Variants in ALK observed in about 807,000 individuals in gnomAD.
ALK encodes ALK receptor tyrosine kinase, also known as ALK tyrosine kinase receptor.
ALK carries 74 observed loss-of-function variants against 163.1 expected under a neutral mutation model. The observed-to-expected ratio is 0.45, with a 90% CI of 0.38 to 0.55. The LOEUF (loss-of-function observed/expected upper bound fraction) is 0.55, where lower values mean the gene tolerates loss of function less well. Ranked by LOEUF, ALK falls within the 20% of genes least tolerant of loss-of-function variation. ALK has a pLI of 0.00. For synonymous variants in ALK, 960 were observed against 843.2 expected (o/e 1.14, Z -2.40); for missense variants, 2,063 against 2,105.3 (o/e 0.98, Z 0.39).
intron 26 of ALK, among the ~76,000 whole-genome samples, chr2:29,203,512 T>TTTTTTTTTTTTTTTTTTTTTTG (rs869138004): frequency 7.8e-6 from 1 of 127,628 alleles, no homozygotes; most frequent in African/African-American, 2.8e-5. Context: ...TTTTTTTTTT[T>TTTTTTTTTTTTTTTTTTTTTTG]GTGAGACAGA....
chr2:29,524,003 C>G (rs1672888020), intron 4 of ALK, among the ~76,000 whole-genome samples: 1 of 151,528 alleles, frequency 6.6e-6, no homozygotes, highest in African/African-American at 2.4e-5. Flanking sequence ...ACAGCTGCTT[C>G]CTGAGCCCCA....
At chr2:29,401,442 C>T (rs1388288962) in intron 4 of ALK, among the ~76,000 whole-genome samples, 1 of 152,210 alleles carries the variant, frequency 6.6e-6, no homozygotes, top group Non-Finnish European at 1.5e-5. Flanking sequence ...TAAGCAATTT[C>T]CCATGGAAGG....
intron 4 of ALK, among the ~76,000 whole-genome samples, chr2:29,425,879 C>T (rs764238553): frequency 5.9e-5 from 9 of 152,170 alleles, no homozygotes; most frequent in African/African-American, 9.7e-5. Context: ...CTATCTACAA[C>T]AAGCTAAACA....
chr2:29,685,411 T>TCTC (rs1350846719), intron 3 of ALK, among the ~76,000 whole-genome samples: 1 of 152,202 alleles, frequency 6.6e-6, no homozygotes, highest in African/African-American at 2.4e-5. Context: ...CCCAGATGCA[T>TCTC]CTCCTTATTT....
At chr2:29,514,329 G>T (rs573139131) in intron 4 of ALK, among the ~76,000 whole-genome samples, 1 of 149,696 alleles carries the variant, frequency 6.7e-6, no homozygotes, top group African/African-American at 2.5e-5. Flanking sequence ...CATAAAAAAT[G>T]ATGAGTTCAT....
intron 1 of ALK, among the ~76,000 whole-genome samples, chr2:29,902,149 A>G (rs958836668): frequency 1.3e-5 from 2 of 152,188 alleles, no homozygotes; most frequent in African/African-American, 4.8e-5. Context: ...GTTTCCAGCT[A>G]GCAGGACACA....
At chr2:29,503,113 T>C (rs1436937347) in intron 4 of ALK, among the ~76,000 whole-genome samples, 2 of 152,252 alleles carry the variant, frequency 1.3e-5, no homozygotes, top group African/African-American at 4.8e-5. Context: ...AAGGACTTAA[T>C]AGATATTGTT....
intron 5 of ALK, among the ~76,000 whole-genome samples, chr2:29,380,948 G>T (rs978841814): frequency 6.6e-5 from 10 of 152,184 alleles, no homozygotes; most frequent in Admixed American, 5.2e-4. Flanking sequence ...ACAGGCAAAA[G>T]CAAGTCTAGA....
At chr2:29,354,390 C>T (rs566252680) in intron 5 of ALK, among the ~76,000 whole-genome samples, 2 of 152,274 alleles carry the variant, frequency 1.3e-5, no homozygotes, top group East Asian at 3.9e-4. Context: ...TTCCTTTCTT[C>T]AGAATTCAAG....
intron 12 of ALK, 81 bp downstream of exon 12, chr2:29,251,023 AG>A (rs1664800796): frequency 6.9e-7 from 1 of 1,459,098 alleles, no homozygotes; most frequent in African/African-American, 1.4e-5. Context: ...TGGGCACCCC[AG>A]GAACATGCAC....
intron 1 of ALK, among the ~76,000 whole-genome samples, chr2:29,831,864 T>A (rs1572418521): frequency 1.3e-5 from 2 of 152,308 alleles, no homozygotes; most frequent in Middle Eastern, 6.8e-3. Flanking sequence ...TCTGTCTGGG[T>A]TAATGGCCAA....
intron 11 of ALK, among the ~76,000 whole-genome samples, chr2:29,264,831 T>C (rs1444531844): frequency 6.6e-6 from 1 of 152,162 alleles, no homozygotes; most frequent in Non-Finnish European, 1.5e-5. Flanking sequence ...TTTGTTAGTG[T>C]AAGTGGACGT....
chr2:29,823,614 A>C (rs1454239297), intron 1 of ALK, among the ~76,000 whole-genome samples: 2 of 152,180 alleles, frequency 1.3e-5, no homozygotes, highest in East Asian at 1.9e-4. Context: ...TAGCAAAGAG[A>C]TTGGTGGCAT....
intron 5 of ALK, among the ~76,000 whole-genome samples, chr2:29,363,567 G>A (rs887323449): frequency 5.9e-5 from 9 of 152,172 alleles, no homozygotes; most frequent in Non-Finnish European, 1.2e-4. Flanking sequence ...TGTAGGCCAG[G>A]ACTGTATGGC....
chr2:29,830,972 A>AGGG (rs1205925204), intron 1 of ALK, among the ~76,000 whole-genome samples: 2 of 41,670 alleles, frequency 4.8e-5, no homozygotes, highest in African/African-American at 1.6e-4. Context: ...AAGAAGAAGA[A>AGGG]GAAGAAGAAG....
chr2:29,232,245 G>C lies in ALK; in HGVS notation c.2632+59C>G, dbSNP rs1011920003. 7.5e-6 allele frequency: 12 copies of C among 1,608,786 alleles called. No individual in the cohort carries two copies. In the Admixed American group the frequency reaches 2.0e-4, roughly 27 times the overall value. On this transcript the variant is annotated intron_variant, in intron 15 of 28. Coordinates refer to ENST00000389048, the MANE Select transcript of ALK (RefSeq NM_004304.5). ...ATGCCCTCAGGCATGCGATGGCATC[G>C]GGGCCCAGCTGAAGGCCTGGGAGAG...
At chr2:29,749,154 G>A (rs1160272764) in intron 1 of ALK, among the ~76,000 whole-genome samples, 2 of 152,100 alleles carry the variant, frequency 1.3e-5, no homozygotes, top group African/African-American at 4.8e-5. Flanking sequence ...GTCACCTGGA[G>A]GGCTTATTAA....
chr2:29,291,170 C>T (rs1666012131), intron 9 of ALK, among the ~76,000 whole-genome samples: 1 of 151,986 alleles, frequency 6.6e-6, no homozygotes, highest in Non-Finnish European at 1.5e-5. Flanking sequence ...CAAGATCAGC[C>T]TAGGCAACAT....
chr2:29,429,287 C>T (rs933335142), intron 4 of ALK, among the ~76,000 whole-genome samples: 1 of 151,854 alleles, frequency 6.6e-6, no homozygotes, highest in Non-Finnish European at 1.5e-5. Context: ...AAATAAAAAG[C>T]AACCAGACTG....
Sources: allele counts gnomAD v4.1 joint callset (sites outside exome capture counted in the v4.1 genomes callset), GRCh38; gene constraint gnomAD v4.1.1; transcripts MANE v1.5; gene names NCBI Gene and HGNC (gene_info 2026-07-23, HGNC 2026-07-21).